MTBP: variants seen among roughly 807,000 people sequenced by gnomAD.
The protein encoded by MTBP is MDM2 binding protein, also known as mdm2-binding protein.
MTBP carries 101 observed loss-of-function variants against 117.0 expected under a neutral mutation model. That is an observed-to-expected ratio of 0.86 (90% CI 0.73 to 1.02). The LOEUF is 1.02. Ranked by LOEUF, MTBP falls within the 50% of genes least tolerant of loss-of-function variation. The probability of loss-of-function intolerance (pLI) is 0.00; values close to 1 mark genes in which losing one functional copy is unlikely to be tolerated. For synonymous variants in MTBP, 350 were observed against 351.5 expected (o/e 1.00, Z 0.05); for missense variants, 970 against 1,030.9 (o/e 0.94, Z 0.81).
intron 11 of MTBP, among the ~76,000 whole-genome samples, chr8:120,475,733 T>A (rs1813919662): frequency 6.6e-6 from 1 of 151,924 alleles, no homozygotes. Context: ...TGAAATTAAG[T>A]CAACCTTATT....
intron 16 of MTBP, among the ~76,000 whole-genome samples, chr8:120,508,716 CTTCTACATACCATT>C (rs2130610834): frequency 6.6e-6 from 1 of 152,234 alleles, no homozygotes; most frequent in South Asian, 2.1e-4. Flanking sequence ...TTTACTTACC[CTTCTACATACCATT>C]TCCAACTCTT....
intron 13 of MTBP, among the ~76,000 whole-genome samples, chr8:120,492,548 T>A (rs1032247818): frequency 6.6e-6 from 1 of 152,080 alleles, no homozygotes; most frequent in Non-Finnish European, 1.5e-5. Context: ...ATTATAGTGT[T>A]TACAGAAAAA....
At chr8:120,499,326 T>G (rs904796578) in intron 14 of MTBP, among the ~76,000 whole-genome samples, 1 of 152,174 alleles carries the variant, frequency 6.6e-6, no homozygotes, top group Non-Finnish European at 1.5e-5. Context: ...AATGTAACTT[T>G]CTCAAAGAGG....
At chr8:120,450,250 A>C (rs751791577) in intron 2 of MTBP, among the ~76,000 whole-genome samples, 1 of 152,168 alleles carries the variant, frequency 6.6e-6, no homozygotes, top group South Asian at 2.1e-4. Context: ...ATTAATGGCA[A>C]TACAAGTTGA....
Position 120,488,303 on chromosome 8 carries a change from T to G in MTBP, c.1310T>G (p.Met437Arg), listed in dbSNP as rs1446244450. 3.8e-6 allele frequency: 6 copies of G among 1,559,882 alleles called. No homozygotes were observed. In the African/African-American group the frequency reaches 5.6e-5, roughly 15 times the overall value. ...GCACTCAATTTAATTCATGGAAAGA[T>G]GAAAACAAAGACAGAAGAAGCCAAA... ...SFALNLIHGK[M>R]KTKTEEAKLS... The change falls in exon 12 of 22, where the codon ATG becomes AGG. Residue 437 changes from methionine to arginine, a missense_variant. Coordinates refer to ENST00000305949, the MANE Select transcript of MTBP (RefSeq NM_022045.5).
At position 120,462,270 on chromosome 8, in the gene MTBP, A is replaced by G. The variant is rs981138449; in HGVS notation, c.977+1015A>G. 7.2e-5 allele frequency among the ~76,000 whole-genome samples: 11 copies of G among 152,342 alleles called. No homozygotes were observed. The East Asian group carries it at 2.1e-3, about 29-fold the overall frequency. Reference sequence around the variant, plus strand: ...GAAACCTGAGCAAAGCTCGAACTAAACAAGTGGCATTTGGAATGGAGAGCC... The same window carrying G: ...GAAACCTGAGCAAAGCTCGAACTAAGCAAGTGGCATTTGGAATGGAGAGCC... On this transcript the variant is annotated intron_variant, in intron 9 of 21. Coordinates refer to ENST00000305949, the MANE Select transcript of MTBP (RefSeq NM_022045.5).
At chr8:120,463,028 C>T (rs1035434258) in intron 9 of MTBP, among the ~76,000 whole-genome samples, 6 of 151,160 alleles carry the variant, frequency 4.0e-5, no homozygotes, top group Non-Finnish European at 8.8e-5. Context: ...AGTTCTACAA[C>T]TTGAAAAAAA....
Position 120,446,436 on chromosome 8 carries a change from T to G in MTBP, c.122T>G (p.Phe41Cys), listed in dbSNP as rs777991413. The G allele has an allele frequency of 9.4e-6, 15 of 1,602,460 alleles. No homozygotes were observed. The East Asian group carries it at 3.4e-4, about 36-fold the overall frequency. The change falls in exon 2 of 22, where the codon TTC becomes TGC. Residue 41 changes from phenylalanine to cysteine, a missense_variant. Transcript: ENST00000305949. ...TAGTCTATCTTTTCTTTTTCAGACT[T>G]CACAGCAGCAAATGTTTATCACCTC... ...SGEGTENQPD[F>C]TAANVYHLLK...
intron 11 of MTBP, among the ~76,000 whole-genome samples, chr8:120,479,728 A>C (rs1814031902): frequency 6.6e-6 from 1 of 152,210 alleles, no homozygotes; most frequent in African/African-American, 2.4e-5. Flanking sequence ...GAATTAACAC[A>C]CTTCCAAATA....
intron 11 of MTBP, among the ~76,000 whole-genome samples, chr8:120,486,813 C>T (rs1307371056): frequency 6.6e-6 from 1 of 152,194 alleles, no homozygotes. Context: ...CCAACCCATT[C>T]TCAACTCAAT....
intron 11 of MTBP, chr8:120,473,643 A>G (rs1037590078): frequency 6.6e-6 from 1 of 152,118 alleles, no homozygotes; most frequent in Non-Finnish European, 1.5e-5. Flanking sequence ...ATAGGAGGAG[A>G]CATTATTACT....
chr8:120,507,010 T>A, intron 16 of MTBP, 149 bp downstream of exon 16: 1 of 637,966 alleles, frequency 1.6e-6, no homozygotes. Flanking sequence ...GCCTTAATCT[T>A]CACTTTTTAC....
At chr8:120,449,720 G>GT (rs1207108594) in intron 2 of MTBP, among the ~76,000 whole-genome samples, 2 of 152,166 alleles carry the variant, frequency 1.3e-5, no homozygotes, top group Admixed American at 1.3e-4. Flanking sequence ...AGAAGGATGG[G>GT]TGCCACAGAA....
At chr8:120,482,724 G>A (rs936540857) in intron 11 of MTBP, among the ~76,000 whole-genome samples, 1 of 149,812 alleles carries the variant, frequency 6.7e-6, no homozygotes, top group African/African-American at 2.4e-5. Flanking sequence ...TTTTGAGACG[G>A]AGTCTTGCTT....
Position 120,506,720 on chromosome 8 carries a change from C to G in MTBP, c.1742C>G (p.Pro581Arg). 1.9e-6 allele frequency: 3 copies of G among 1,606,880 alleles called. No homozygotes were observed. Among genetic ancestry groups the G allele is most frequent in the Non-Finnish European group, 2.5e-6 (3 of 1,177,546 alleles). ...TKQKMRTGSLPHSSEQLLGHK... is the reference protein window; with the variant it reads ...TKQKMRTGSLRHSSEQLLGHK... ...TATTTTCCCAGAACTGGTTCATTAC[C>G]TCATTCATCTGAACAGTTGCTGGGC... Residue 581 changes from proline to arginine, a missense_variant, in exon 16 of 22, where the codon CCT becomes CGT. Physicochemically the swap from Pro to Arg is moderately radical, Grantham distance 103 (BLOSUM62 -2). Coordinates refer to ENST00000305949, the MANE Select transcript of MTBP (RefSeq NM_022045.5).
chr8:120,520,304 A>G (rs1201292893), intron 20 of MTBP, among the ~76,000 whole-genome samples: 2 of 152,160 alleles, frequency 1.3e-5, no homozygotes, highest in East Asian at 3.8e-4. Flanking sequence ...AACTTTAAAA[A>G]TATGATAAAG....
chr8:120,493,495 A>AT (rs201484057), intron 13 of MTBP, among the ~76,000 whole-genome samples: 16 of 149,430 alleles, frequency 1.1e-4, no homozygotes, highest in Admixed American at 2.7e-4. Context: ...TATATATATA[A>AT]TTTTTTTTTT....
At chr8:120,490,880 C>T (rs1168835405) in intron 13 of MTBP, among the ~76,000 whole-genome samples, 1 of 151,992 alleles carries the variant, frequency 6.6e-6, no homozygotes, top group Non-Finnish European at 1.5e-5. Flanking sequence ...CTATGTATAA[C>T]TCTTGATAAA....
chr8:120,456,503 C>T (rs780319687), intron 6 of MTBP, 50 bp from the exon 7 acceptor site: 2 of 1,123,800 alleles, frequency 1.8e-6, no homozygotes, highest in Non-Finnish European at 2.6e-6. Context: ...ATGATTAAAT[C>T]AGTGAAATAT....
Sources: allele counts gnomAD v4.1 joint callset (sites outside exome capture counted in the v4.1 genomes callset), GRCh38; gene constraint gnomAD v4.1.1; transcripts MANE v1.5; gene names NCBI Gene and HGNC (gene_info 2026-07-23, HGNC 2026-07-21).